Variants in SCPEP1 observed in about 807,000 individuals in gnomAD.
SCPEP1 encodes retinoid-inducible serine carboxypeptidase.
SCPEP1 carries 51 observed loss-of-function variants against 63.8 expected under a neutral mutation model. The observed-to-expected ratio is 0.80, with a 90% CI of 0.64 to 1.01. The LOEUF is 1.01. Ranked by LOEUF, SCPEP1 falls within the 50% of genes least tolerant of loss-of-function variation. The pLI, the probability that SCPEP1 is intolerant of heterozygous loss-of-function variation, is 0.00. For missense variants in SCPEP1, 499 were observed against 554.9 expected (o/e 0.90, Z 1.01); for synonymous variants, 204 against 207.8 (o/e 0.98, Z 0.16).
intron 4 of SCPEP1, 64 bp downstream of exon 4, chr17:56,987,914 A>G (rs918392827): frequency 6.4e-7 from 1 of 1,555,498 alleles, no homozygotes; most frequent in Admixed American, 1.9e-5. Flanking sequence ...ATCCATCAGC[A>G]TAAACCTGAA....
At position 56,995,581 on chromosome 17, in the gene SCPEP1, G is replaced by T; in HGVS notation, c.732G>T (p.Gly244=). 1 of 1,614,120 alleles carries T rather than the reference G, an allele frequency of 6.2e-7. No individual in the cohort carries two copies. The highest frequency in any genetic ancestry group is 1.1e-5 in the South Asian group (1 of 91,080). ...AEQVLNAVNK[G]LYREATELWG... ...AAGTACTGAATGCCGTAAATAAGGGGCTCTACAGAGAGGCCACAGAGCTGT... is the reference window on the plus strand; with the variant it reads ...AAGTACTGAATGCCGTAAATAAGGGTCTCTACAGAGAGGCCACAGAGCTGT... Residue 244 remains glycine (G), a synonymous_variant, in exon 8 of 13, where the codon GGG becomes GGT. Coordinates refer to ENST00000262288, the MANE Select transcript of SCPEP1 (RefSeq NM_021626.3).
At chr17:56,988,640 T>A (rs1490600606) in intron 5 of SCPEP1, among the ~76,000 whole-genome samples, 2 of 151,674 alleles carry the variant, frequency 1.3e-5, no homozygotes, top group Admixed American at 1.3e-4. Context: ...TATATAAATA[T>A]AAGATAACGT....
chr17:56,991,630 C>A (rs1185933970), intron 6 of SCPEP1, among the ~76,000 whole-genome samples: 2 of 152,176 alleles, frequency 1.3e-5, no homozygotes, highest in Non-Finnish European at 2.9e-5. Flanking sequence ...TCTGGTCTTG[C>A]AACTCAGAAG....
At chr17:56,986,691 G>A (rs1043565687) in intron 3 of SCPEP1, among the ~76,000 whole-genome samples, 4 of 151,920 alleles carry the variant, frequency 2.6e-5, no homozygotes, top group Admixed American at 6.5e-5. Flanking sequence ...GACTACAGGC[G>A]CCCGCCACTG....
At chr17:57,005,769 T>A (rs72842356) in intron 12 of SCPEP1, among the ~76,000 whole-genome samples, 18,195 of 152,210 alleles carry the variant, frequency 0.12, 1,139 homozygotes, top group East Asian at 0.21. Flanking sequence ...TGAGCTCCCT[T>A]CTCAGCCATT....
chr17:56,986,567 A>T (rs190716855), intron 3 of SCPEP1, among the ~76,000 whole-genome samples: 44 of 137,646 alleles, frequency 3.2e-4, no homozygotes, highest in African/African-American at 1.1e-3. Flanking sequence ...TGTTTTTGAG[A>T]CAGAGTCTCG....
At chr17:56,994,854 C>T (rs1363814978) in intron 6 of SCPEP1, 127 bp from the exon 7 acceptor site, 5 of 781,900 alleles carry the variant, frequency 6.4e-6, no homozygotes, top group Non-Finnish European at 8.8e-6. Context: ...ATTGAGGAGC[C>T]TTCCAATCCA....
chr17:57,005,367 A>G (rs954235446), intron 12 of SCPEP1, among the ~76,000 whole-genome samples: 1 of 152,196 alleles, frequency 6.6e-6, no homozygotes, highest in East Asian at 1.9e-4. Flanking sequence ...AGAACAACAG[A>G]TCAGTTGGGG....
chr17:56,991,869 G>A (rs1911409426), intron 6 of SCPEP1, among the ~76,000 whole-genome samples: 1 of 152,196 alleles, frequency 6.6e-6, no homozygotes, highest in South Asian at 2.1e-4. Context: ...CCTCTACTCA[G>A]GAGATGCTAG....
At chr17:56,996,295 C>T (rs1299357940) in intron 8 of SCPEP1, among the ~76,000 whole-genome samples, 4 of 152,132 alleles carry the variant, frequency 2.6e-5, no homozygotes, top group African/African-American at 7.2e-5. Flanking sequence ...ACCTCTGCCT[C>T]CTGGGCTCAA....
chr17:56,991,009 C>T (rs916380419), intron 5 of SCPEP1, 90 bp from the exon 6 acceptor site: 3 of 947,262 alleles, frequency 3.2e-6, no homozygotes, highest in Non-Finnish European at 5.2e-6. Flanking sequence ...TAGGCTCAAG[C>T]GATCCTCCTG....
intron 8 of SCPEP1, 88 bp from the exon 9 acceptor site, chr17:56,996,874 A>G (rs1181516014): frequency 2.6e-6 from 2 of 779,228 alleles, no homozygotes; most frequent in Non-Finnish European, 4.1e-6. Flanking sequence ...CTGTCCTTGG[A>G]TAAGATAAAG....
rs371260987 is a variant in SCPEP1, at chr17:56,978,145, C to G, written c.-15C>G. On this transcript the variant is annotated 5_prime_UTR_variant, in exon 1 of 13. Transcript: ENST00000262288. ...GGGTCCAGCCTGTTGCTGATGCTGC[C>G]GTGCGGTACTTGTCATGGAGCTGGC... The G allele has an allele frequency of 5.0e-5, 65 of 1,288,138 alleles. No homozygotes were observed. Among genetic ancestry groups the G allele is most frequent in the African/African-American group, 1.0e-4 (7 of 67,226 alleles). The allele number at this position is 1,288,138 out of a possible 1,614,324, so 79.8% of individuals were successfully genotyped here.
chr17:57,001,125 C>T (rs1315127932), intron 11 of SCPEP1, 133 bp downstream of exon 11: 19 of 942,788 alleles, frequency 2.0e-5, no homozygotes, highest in Non-Finnish European at 2.8e-5. Flanking sequence ...CCATTACATC[C>T]GTCTACCCCG....
Position 57,000,838 on chromosome 17 carries a change from TC to T in SCPEP1, c.995-15del, listed in dbSNP as rs771226854. 1 of 1,613,780 alleles carries T rather than the reference TC, an allele frequency of 6.2e-7. No homozygotes were observed. Among genetic ancestry groups the T allele is most frequent in the East Asian group, 2.2e-5 (1 of 44,888 alleles). ...CAGATTCCAAGCTACTCCCTCTTTC[TC>T]CTTCCCCATGTGCAGGCCAGGCTAC... is the stretch of plus-strand genomic sequence containing the variant. On this transcript the variant is annotated splice_polypyrimidine_tract_variant and intron_variant, in intron 10 of 12. Transcript: ENST00000262288.
Position 57,002,138 on chromosome 17 carries a change from A to G in SCPEP1, c.1253A>G (p.Tyr418Cys). ...SLETSAFVKS[Y>C]KNLAFYWILK... ...GAAACATCTGCTTTTGTCAAGTCCT[A>G]CAAGAACCTTGCTTTCTACTGGATT... The change falls in exon 12 of 13, where the codon TAC becomes TGC. Residue 418 changes from tyrosine to cysteine, a missense_variant. Transcript: ENST00000262288. 6.2e-7 allele frequency: 1 copy of G among 1,614,216 alleles called. No individual in the cohort carries two copies. The highest frequency in any genetic ancestry group is 8.5e-7 in the Non-Finnish European group (1 of 1,180,036).
chr17:56,980,129 T>G (rs1211802783), intron 1 of SCPEP1, among the ~76,000 whole-genome samples: 2 of 152,194 alleles, frequency 1.3e-5, no homozygotes, highest in East Asian at 3.9e-4. Flanking sequence ...TTTTTTGTTT[T>G]TTTGAGATAG....
intron 3 of SCPEP1, 152 bp from the exon 4 acceptor site, chr17:56,987,543 A>C: frequency 1.6e-6 from 1 of 621,708 alleles, no homozygotes; most frequent in Non-Finnish European, 2.4e-6. Flanking sequence ...CCTGTCCCTT[A>C]TTTTTAAAAA....
intron 6 of SCPEP1, among the ~76,000 whole-genome samples, chr17:56,991,592 G>A (rs777545672): frequency 1.3e-5 from 2 of 152,156 alleles, no homozygotes; most frequent in African/African-American, 2.4e-5. Context: ...CGTCTGTTAC[G>A]CATATTGATG....
Sources: allele counts gnomAD v4.1 joint callset (sites outside exome capture counted in the v4.1 genomes callset), GRCh38; gene constraint gnomAD v4.1.1; transcripts MANE v1.5; gene names NCBI Gene and HGNC (gene_info 2026-07-23, HGNC 2026-07-21).